JAZF1: variants seen among roughly 807,000 people sequenced by gnomAD.
JAZF1 encodes the protein juxtaposed with another zinc finger protein 1.
Under a neutral mutation model 26.4 loss-of-function variants are expected in JAZF1, and 8 were observed. The ratio of observed to expected loss-of-function variants is 0.30; its 90% CI spans 0.18 to 0.55. The LOEUF (loss-of-function observed/expected upper bound fraction) is 0.55, where lower values mean the gene tolerates loss of function less well. Ranked by LOEUF, JAZF1 falls within the 20% of genes least tolerant of loss-of-function variation. The pLI, the probability that JAZF1 is intolerant of heterozygous loss-of-function variation, is 0.94. For missense variants in JAZF1, 199 were observed against 322.0 expected, an observed-to-expected ratio of 0.62 and a Z score of 2.92; for synonymous variants, 126 against 122.3, an observed-to-expected ratio of 1.03 and a Z score of -0.20.
intron 1 of JAZF1, among the ~76,000 whole-genome samples, chr7:28,008,176 G>T (rs1782736665): frequency 6.6e-6 from 1 of 151,964 alleles, no homozygotes; most frequent in South Asian, 2.1e-4. Flanking sequence ...TCCCTCACAA[G>T]CTTTAAGTGA....
chr7:27,983,853 CT>C (rs1238143105), intron 2 of JAZF1, among the ~76,000 whole-genome samples: 1 of 152,120 alleles, frequency 6.6e-6, no homozygotes, highest in Non-Finnish European at 1.5e-5. Flanking sequence ...CCAAAGTAAG[CT>C]TCATAAGTGA....
At chr7:28,131,524 C>T (rs1782793434) in intron 1 of JAZF1, among the ~76,000 whole-genome samples, 1 of 152,138 alleles carries the variant, frequency 6.6e-6, no homozygotes, top group Non-Finnish European at 1.5e-5. Context: ...TAGGTATTAT[C>T]TCTTTTTCCT....
chr7:28,154,206 G>A (rs1367921869), intron 1 of JAZF1, among the ~76,000 whole-genome samples: 2 of 152,188 alleles, frequency 1.3e-5, no homozygotes, highest in African/African-American at 2.4e-5. Flanking sequence ...GCGCAGATGA[G>A]CTTTTGCTAC....
chr7:27,925,702 C>T (rs1784593563), intron 2 of JAZF1, among the ~76,000 whole-genome samples: 1 of 152,220 alleles, frequency 6.6e-6, no homozygotes, highest in African/African-American at 2.4e-5. Flanking sequence ...GCTGGAATTA[C>T]AGGCATGAGC....
At chr7:27,875,838 G>C (rs1175610416) in intron 3 of JAZF1, among the ~76,000 whole-genome samples, 2 of 152,210 alleles carry the variant, frequency 1.3e-5, no homozygotes, top group African/African-American at 4.8e-5. Flanking sequence ...ACCTATCCTA[G>C]TTATACCTGG....
chr7:28,117,188 T>C (rs2127935914), intron 1 of JAZF1, among the ~76,000 whole-genome samples: 1 of 152,358 alleles, frequency 6.6e-6, no homozygotes, highest in Middle Eastern at 3.4e-3. Context: ...TGAATTTGCT[T>C]ATGGCATTTT....
intron 4 of JAZF1, among the ~76,000 whole-genome samples, chr7:27,834,950 T>C (rs754220613): frequency 6.6e-6 from 1 of 152,226 alleles, no homozygotes; most frequent in Non-Finnish European, 1.5e-5. Context: ...AACTTTAATA[T>C]GGTGGAAAGT....
chr7:27,909,688 A>G (rs1413113110), intron 2 of JAZF1, among the ~76,000 whole-genome samples: 3 of 152,296 alleles, frequency 2.0e-5, no homozygotes, highest in South Asian at 4.1e-4. Context: ...CCTGGGCAAC[A>G]AGAGTGAAAC....
intron 2 of JAZF1, among the ~76,000 whole-genome samples, chr7:27,985,450 G>A (rs1268672519): frequency 6.6e-6 from 1 of 152,176 alleles, no homozygotes; most frequent in Non-Finnish European, 1.5e-5. Context: ...CTGAAATTGA[G>A]GCAATAATTA....
In JAZF1 at chr7:27,855,390, T is replaced by C. The variant is rs377694076; in HGVS notation, c.386-14523A>G. Among the ~76,000 whole-genome samples the C allele has an allele frequency of 5.3e-5, 8 of 151,742 alleles. No homozygotes were observed. In the East Asian group the frequency reaches 7.7e-4, roughly 15 times the overall value. ...TAACTAAGAGCAGAACTGAAGGAGATAGAGACACAAAAAACCCTTCAAAAA... is the reference window on the plus strand; with the variant it reads ...TAACTAAGAGCAGAACTGAAGGAGACAGAGACACAAAAAACCCTTCAAAAA... On this transcript the variant is annotated intron_variant, in intron 3 of 4. Coordinates refer to ENST00000283928, the MANE Select transcript of JAZF1 (RefSeq NM_175061.4).
chr7:28,039,020 C>T (rs1004304926), intron 1 of JAZF1, among the ~76,000 whole-genome samples: 3 of 152,072 alleles, frequency 2.0e-5, no homozygotes, highest in African/African-American at 7.2e-5. Flanking sequence ...ATTAGACCTG[C>T]ATACTAAAAT....
At chr7:28,071,144 T>A (rs1783968831) in intron 1 of JAZF1, among the ~76,000 whole-genome samples, 1 of 152,168 alleles carries the variant, frequency 6.6e-6, no homozygotes, top group Non-Finnish European at 1.5e-5. Context: ...AGCGAAATAC[T>A]ACAGGTCAGC....
intron 1 of JAZF1, among the ~76,000 whole-genome samples, chr7:27,996,715 T>A (rs1786025145): frequency 6.6e-6 from 1 of 152,210 alleles, no homozygotes; most frequent in Non-Finnish European, 1.5e-5. Flanking sequence ...TTCCTAGTGC[T>A]AGCACTGCAA....
At chr7:28,173,724 C>G (rs1313056310) in intron 1 of JAZF1, among the ~76,000 whole-genome samples, 1 of 151,874 alleles carries the variant, frequency 6.6e-6, no homozygotes, top group African/African-American at 2.4e-5. Flanking sequence ...CAATGGCCGT[C>G]AGGGGACTAT....
chr7:27,832,569 TAGCACC>T lies in JAZF1; in HGVS notation c.*225_*230del. 3.0e-6 allele frequency: 1 copy of T among 331,702 alleles called. No homozygotes were observed. Among genetic ancestry groups the T allele is most frequent in the Admixed American group, 4.6e-5 (1 of 21,726 alleles). 20.5% of individuals were successfully genotyped at this position (331,702 alleles called of 1,614,324 possible). A position where few individuals can be genotyped will look rare whatever the true frequency, so the allele number is the denominator to read the frequency against. ...TGAAGAACCTAGAGCTTTTTTTGTTTAGCACCTTATATCAAAGTAATGAAAATGGGT... is the reference window on the plus strand; with the variant it reads ...TGAAGAACCTAGAGCTTTTTTTGTTTTTATATCAAAGTAATGAAAATGGGT... On this transcript the variant is annotated 3_prime_UTR_variant, in exon 5 of 5. Coordinates refer to ENST00000283928, the MANE Select transcript of JAZF1 (RefSeq NM_175061.4).
chr7:27,900,670 T>A (rs1784149200), intron 2 of JAZF1, among the ~76,000 whole-genome samples: 1 of 152,204 alleles, frequency 6.6e-6, no homozygotes, highest in South Asian at 2.1e-4. Context: ...AAGGAATTAA[T>A]CAGGGAAGGA....
intron 2 of JAZF1, among the ~76,000 whole-genome samples, chr7:27,985,750 C>T (rs1369405417): frequency 2.0e-5 from 3 of 152,202 alleles, no homozygotes; most frequent in African/African-American, 4.8e-5. Context: ...AAAAGCTTAT[C>T]CACCACCATC....
intron 1 of JAZF1, among the ~76,000 whole-genome samples, chr7:28,062,657 C>G (rs560144773): frequency 4.8e-4 from 73 of 152,306 alleles, no homozygotes; most frequent in African/African-American, 1.7e-3. Context: ...GAGCGACATC[C>G]ACATCCTCTC....
chr7:28,081,628 C>T (rs1583550324), intron 1 of JAZF1, among the ~76,000 whole-genome samples: 1 of 152,296 alleles, frequency 6.6e-6, no homozygotes, highest in African/African-American at 2.4e-5. Flanking sequence ...CACCCTTTCC[C>T]CTTGTCCAGA....
Sources: gnomAD v4.1 joint callset for allele counts (sites outside exome capture counted in the v4.1 genomes callset) on GRCh38, gnomAD v4.1.1 for gene constraint, MANE v1.5 for transcripts, NCBI Gene and HGNC (gene_info 2026-07-23, HGNC 2026-07-21) for gene names.